Variants in MDM1 observed in about 807,000 individuals in gnomAD.
MDM1 encodes the protein Mdm1 nuclear protein.
Under a neutral mutation model 89.1 loss-of-function variants are expected in MDM1, and 61 were observed. The observed-to-expected ratio is 0.68, with a 90% CI of 0.56 to 0.85. The LOEUF (loss-of-function observed/expected upper bound fraction) is 0.85. Among genes scored for constraint, MDM1 ranks in the 40% least tolerant of loss-of-function variants. MDM1 has a pLI of 0.00. For synonymous variants in MDM1, 290 were observed against 294.1 expected, an observed-to-expected ratio of 0.99 and a Z score of 0.14; for missense variants, 820 against 846.5, an observed-to-expected ratio of 0.97 and a Z score of 0.39.
Position 68,313,881 on chromosome 12 carries a change from C to A in MDM1, c.1530-128G>T, listed in dbSNP as rs1874072319. 1.2e-5 allele frequency: 9 copies of A among 720,230 alleles called. No individual in the cohort carries two copies. In the Admixed American group the frequency reaches 2.4e-4, roughly 20 times the overall value. 44.6% of individuals were successfully genotyped at this position (720,230 alleles called of 1,614,324 possible). A position where few individuals can be genotyped will look rare whatever the true frequency, so the allele number is the denominator to read the frequency against. On this transcript the variant is annotated intron_variant, in intron 10 of 14. Coordinates refer to ENST00000682720, the MANE Select transcript of MDM1 (RefSeq NM_001354969.2). ...AAGAGGCCAGGCGCGGTGGCTCACG[C>A]CCGTAATCCCAGCACTTTGGGAGGC...
intron 12 of MDM1, 140 bp downstream of exon 12, chr12:68,313,303 T>C: frequency 4.7e-6 from 3 of 634,814 alleles, no homozygotes; most frequent in Non-Finnish European, 8.0e-6. Flanking sequence ...GCCTTTTGCC[T>C]TACTAAAAGC....
At chr12:68,328,755 C>G (rs1876372626) in intron 2 of MDM1, among the ~76,000 whole-genome samples, 1 of 152,130 alleles carries the variant, frequency 6.6e-6, no homozygotes, top group African/African-American at 2.4e-5. Flanking sequence ...TGTCTCCCAG[C>G]ACCAGCAAAT....
intron 1 of MDM1, chr12:68,331,914 T>C (rs1234768099): frequency 1.5e-6 from 1 of 658,160 alleles, no homozygotes; most frequent in Non-Finnish European, 2.8e-6. Context: ...GGTGTCCCAA[T>C]CTGAAGTCGC....
At chr12:68,296,044 T>C (rs1592933301) in intron 14 of MDM1, among the ~76,000 whole-genome samples, 1 of 150,272 alleles carries the variant, frequency 6.7e-6, no homozygotes, top group East Asian at 1.9e-4. Flanking sequence ...AAAGAAAGTC[T>C]TTAATGTATG....
At chr12:68,308,127 C>CTTTTTT (rs774192759) in intron 12 of MDM1, among the ~76,000 whole-genome samples, 6 of 138,858 alleles carry the variant, frequency 4.3e-5, no homozygotes, top group Non-Finnish European at 9.4e-5. Flanking sequence ...GCTGTTCCTT[C>CTTTTTT]TTTTTTTTTT....
intron 13 of MDM1, 58 bp downstream of exon 13, chr12:68,302,562 T>C (rs1305098063): frequency 7.1e-7 from 1 of 1,408,102 alleles, no homozygotes; most frequent in African/African-American, 1.5e-5. Context: ...TTAGACTTTG[T>C]ACCTATCAGC....
chr12:68,320,717 A>G (rs1875108865), intron 7 of MDM1, among the ~76,000 whole-genome samples: 1 of 152,268 alleles, frequency 6.6e-6, no homozygotes, highest in African/African-American at 2.4e-5. Context: ...AAGGCAAAAA[A>G]AAGTCAAGAT....
chr12:68,324,155 T>C (rs1875627819), intron 4 of MDM1, among the ~76,000 whole-genome samples: 2 of 152,136 alleles, frequency 1.3e-5, no homozygotes, highest in African/African-American at 4.8e-5. Flanking sequence ...GCAGTAAAAC[T>C]ACTGAATATA....
intron 12 of MDM1, among the ~76,000 whole-genome samples, chr12:68,309,186 C>G (rs963674785): frequency 5.9e-5 from 9 of 152,214 alleles, no homozygotes; most frequent in African/African-American, 2.2e-4. Flanking sequence ...TCATGTTGTA[C>G]CAGGCTCCCT....
chr12:68,296,054 G>C (rs976150051), intron 14 of MDM1, among the ~76,000 whole-genome samples: 2 of 152,180 alleles, frequency 1.3e-5, no homozygotes, highest in Admixed American at 6.5e-5. Context: ...TTTAATGTAT[G>C]ATACAGAGTA....
chr12:68,316,224 A>C lies in MDM1; in HGVS notation c.1065T>G (p.Phe355Leu). The C allele has an allele frequency of 6.2e-7, 1 of 1,613,782 alleles. No individual in the cohort carries two copies. Among genetic ancestry groups the C allele is most frequent in the South Asian group, 1.1e-5 (1 of 91,036 alleles). ...EVKELREKAEFYRKRVQGTHF... is the reference protein window; with the variant it reads ...EVKELREKAELYRKRVQGTHF... ...GCGTCCCCTGAACTCGCTTCCTATA[A>C]AACTCAGCCTTTTCTCGGAGTTCTT... Residue 355 changes from phenylalanine to leucine, a missense_variant, in exon 9 of 15, where the codon TTT (phenylalanine) becomes TTG (leucine). Physicochemically the swap from Phe to Leu is conservative, Grantham distance 22. Coordinates refer to ENST00000682720, the MANE Select transcript of MDM1 (RefSeq NM_001354969.2).
At chr12:68,330,179 T>C (rs762464260) in intron 2 of MDM1, among the ~76,000 whole-genome samples, 9 of 152,224 alleles carry the variant, frequency 5.9e-5, no homozygotes, top group Non-Finnish European at 1.0e-4. Context: ...TGAAATTCCC[T>C]TAATTATTGA....
intron 14 of MDM1, among the ~76,000 whole-genome samples, chr12:68,296,433 G>A (rs191821019): frequency 1.6e-3 from 237 of 152,342 alleles, no homozygotes; most frequent in Non-Finnish European, 2.9e-3. Flanking sequence ...GGGAGGCAGA[G>A]GCTGCAGTGA....
At chr12:68,299,392 A>G (rs572655647) in intron 13 of MDM1, among the ~76,000 whole-genome samples, 1 of 152,286 alleles carries the variant, frequency 6.6e-6, no homozygotes, top group Admixed American at 6.5e-5. Context: ...GAAATTAAAA[A>G]AAAATTCAGG....
intron 12 of MDM1, among the ~76,000 whole-genome samples, chr12:68,312,451 C>G (rs1314148507): frequency 6.6e-6 from 1 of 152,146 alleles, no homozygotes; most frequent in Non-Finnish European, 1.5e-5. Flanking sequence ...CTGTACCTTC[C>G]ATGTGTATCC....
In MDM1 at chr12:68,302,727, G is replaced by A. The variant is rs1872346519; in HGVS notation, c.1895C>T (p.Pro632Leu). Residue 632 changes from proline to leucine, a missense_variant, in exon 13 of 15, where the codon CCA (proline) becomes CTA (leucine). Physicochemically the swap from Pro to Leu is moderately conservative, Grantham distance 98. Transcript: ENST00000682720. ...AGGCAACTGTCCAGGGGGATTTGTTGGGTATTTTGGAATTTTTGAAACTGG... is the reference window on the plus strand; with the variant it reads ...AGGCAACTGTCCAGGGGGATTTGTTAGGTATTTTGGAATTTTTGAAACTGG... The part of the protein sequence containing the change: ...TLPVSKIPKY[P>L]TNPPGQLPSP... 6.2e-7 allele frequency: 1 copy of A among 1,613,868 alleles called. No individual in the cohort carries two copies. The highest frequency in any genetic ancestry group is 1.3e-5 in the African/African-American group (1 of 74,848).
At chr12:68,326,526 A>G (rs977503982) in intron 3 of MDM1, 131 bp downstream of exon 3, 1 of 1,590,616 alleles carries the variant, frequency 6.3e-7, no homozygotes, top group Admixed American at 1.8e-5. Flanking sequence ...GTTATCAACT[A>G]TTCTTATAGA....
intron 2 of MDM1, chr12:68,330,840 C>T (rs1002405945): frequency 8.5e-5 from 33 of 386,510 alleles, no homozygotes; most frequent in Admixed American, 2.9e-4. Context: ...TTAACTTAAC[C>T]GCTCAGTCAG....
rs141468972 is a variant in MDM1 at position 68,295,038 on chromosome 12, G to A, written c.*216C>T. ...TACATGTGAAGAATTCAATAATCTA[G>A]GTCTTTGTACTCTGGGATAGATGTA... On this transcript the variant is annotated 3_prime_UTR_variant, in exon 15 of 15. Coordinates refer to ENST00000682720, the MANE Select transcript of MDM1 (RefSeq NM_001354969.2). 236 of 299,344 alleles carry A rather than the reference G, an allele frequency of 7.9e-4. 1 individual carries two copies. The East Asian group carries it at 0.013, about 17-fold the overall frequency. The allele number at this position is 299,344 out of a possible 1,614,324, so 18.5% of individuals were successfully genotyped here.
Sources: allele counts gnomAD v4.1 joint callset (sites outside exome capture counted in the v4.1 genomes callset), GRCh38; gene constraint gnomAD v4.1.1; transcripts MANE v1.5; gene names NCBI Gene and HGNC (gene_info 2026-07-23, HGNC 2026-07-21).